Variants in TSEN2 observed in about 807,000 individuals in gnomAD.
The protein encoded by TSEN2 is tRNA splicing endonuclease subunit 2, also known as tRNA-splicing endonuclease subunit Sen2.
TSEN2 carries 54 observed loss-of-function variants against 59.2 expected under a neutral mutation model. That is an observed-to-expected ratio of 0.91 (90% CI 0.73 to 1.14). TSEN2 has a LOEUF of 1.14. TSEN2 is among the 50% of genes most tolerant of loss of function. TSEN2 has a pLI of 0.00. For synonymous variants in TSEN2, 195 were observed against 198.2 expected, an observed-to-expected ratio of 0.98 and a Z score of 0.14; for missense variants, 636 against 576.2, an observed-to-expected ratio of 1.10 and a Z score of -1.06.
intron 1 of TSEN2, among the ~76,000 whole-genome samples, chr3:12,489,467 T>C (rs1387090509): frequency 2.6e-5 from 4 of 152,166 alleles, no homozygotes; most frequent in African/African-American, 4.8e-5. Context: ...AGAAATCCTG[T>C]TGTGCTTGCT....
At chr3:12,522,810 T>C (rs1454007836) in intron 8 of TSEN2, among the ~76,000 whole-genome samples, 1 of 152,200 alleles carries the variant, frequency 6.6e-6, no homozygotes, top group Non-Finnish European at 1.5e-5. Context: ...TCAAATCAAG[T>C]GCAGCTGCCA....
chr3:12,485,312 C>A (rs2124868936), intron 1 of TSEN2, among the ~76,000 whole-genome samples: 1 of 152,316 alleles, frequency 6.6e-6, no homozygotes, highest in Non-Finnish European at 1.5e-5. Flanking sequence ...CATTTACCAT[C>A]ACCTAAGAGG....
chr3:12,536,830 C>T (rs924860708), downstream of TSEN2, among the ~76,000 whole-genome samples: 7 of 151,918 alleles, frequency 4.6e-5, no homozygotes, highest in African/African-American at 1.2e-4. Context: ...GGTGAAACCC[C>T]GTCTCTACTA....
At chr3:12,537,966 CT>C (rs553403352), downstream of TSEN2, among the ~76,000 whole-genome samples, 61 of 152,236 alleles carry the variant, frequency 4.0e-4, 1 homozygote, top group African/African-American at 8.2e-4. Context: ...AATTGGAATT[CT>C]TTCATCTTTA....
intron 6 of TSEN2, among the ~76,000 whole-genome samples, chr3:12,509,518 G>A (rs956105268): frequency 6.6e-6 from 1 of 152,058 alleles, no homozygotes; most frequent in Non-Finnish European, 1.5e-5. Flanking sequence ...AACTTTTGAA[G>A]GTTAAGGAGC....
In TSEN2 at chr3:12,489,919, T is replaced by C; in HGVS notation, c.119T>C (p.Phe40Ser). 6.2e-7 allele frequency: 1 copy of C among 1,614,174 alleles called. No homozygotes were observed. The highest frequency in any genetic ancestry group is 8.5e-7 in the Non-Finnish European group (1 of 1,180,032). Residue 40 changes from phenylalanine to serine, a missense_variant, in exon 2 of 12, where the codon TTC becomes TCC. Physicochemically the swap from Phe to Ser is radical, Grantham distance 155 (BLOSUM62 -2). Coordinates refer to ENST00000284995, the MANE Select transcript of TSEN2 (RefSeq NM_025265.4). ...GGTCCTCTGAAAGAATTCAAGATAT[T>C]CCGTGCTGAAATGATTAACAACAAT... Reference protein sequence around the residue: ...DHGPLKEFKIFRAEMINNNVI... With the variant: ...DHGPLKEFKISRAEMINNNVI...
chr3:12,519,775 A>G (rs1235770481), intron 8 of TSEN2, among the ~76,000 whole-genome samples: 2 of 152,078 alleles, frequency 1.3e-5, no homozygotes, highest in Admixed American at 6.6e-5. Flanking sequence ...AGCATTCTAT[A>G]GCACCCACCC....
At chr3:12,514,784 G>A (rs2055880082) in intron 6 of TSEN2, 1 of 152,164 alleles carries the variant, frequency 6.6e-6, no homozygotes, top group Non-Finnish European at 1.5e-5. Flanking sequence ...GATGACACAA[G>A]TTTGTGAAGC....
intron 7 of TSEN2, among the ~76,000 whole-genome samples, chr3:12,518,186 A>G (rs2056317574): frequency 6.6e-6 from 1 of 152,240 alleles, no homozygotes; most frequent in Admixed American, 6.5e-5. Context: ...TAAAAACAAA[A>G]TTGTCTTTTA....
At chr3:12,484,453 G>T (rs1282742165), upstream of TSEN2, 1 of 152,284 alleles carries the variant, frequency 6.6e-6, no homozygotes, top group Non-Finnish European at 1.5e-5. Flanking sequence ...ACTGCTTGAC[G>T]GCAGCGGTGT....
chr3:12,519,015 T>C (rs758945455), intron 7 of TSEN2, 44 bp from the exon 8 acceptor site: 4 of 1,605,428 alleles, frequency 2.5e-6, no homozygotes, highest in Non-Finnish European at 3.4e-6. Flanking sequence ...GGAGAGTGAA[T>C]GCATACATAG....
rs68107346 is a variant in TSEN2 at position 12,516,446 on chromosome 3, A to ATGTGTGTGTG, written c.910-132_910-123dup. On this transcript the variant is annotated intron_variant, in intron 6 of 11. Transcript: ENST00000284995. The stretch of plus-strand genomic sequence containing the variant: ...TTTCAAAAACAAACAAACAAAATAT[A>ATGTGTGTGTG]TGTGTGTGTGTGTGTGTGTGTGTGT... Among the ~76,000 whole-genome samples, 7 of 126,556 alleles carry ATGTGTGTGTG rather than the reference A, an allele frequency of 5.5e-5. No homozygotes were observed. In the East Asian group the frequency reaches 1.2e-3, roughly 23 times the overall value. The allele number at this position is 126,556 out of a possible 152,430, so 83.0% of individuals were successfully genotyped here.
At chr3:12,510,810 C>T (rs1209088180) in intron 6 of TSEN2, among the ~76,000 whole-genome samples, 1 of 152,142 alleles carries the variant, frequency 6.6e-6, no homozygotes, top group African/African-American at 2.4e-5. Flanking sequence ...GACTTTCCTT[C>T]TATCTAAACT....
chr3:12,538,894 T>C (rs1282536806), intron 10 of TSEN2: 1 of 263,732 alleles, frequency 3.8e-6, no homozygotes, highest in Non-Finnish European at 7.4e-6. Context: ...GCCTTTTCAG[T>C]GGGCAGAGGA....
At chr3:12,492,248 A>G (rs754803761) in intron 3 of TSEN2, 31 bp downstream of exon 3, 14 of 1,560,946 alleles carry the variant, frequency 9.0e-6, no homozygotes, top group African/African-American at 1.4e-5. Context: ...AGTTCTTTTG[A>G]CAAATTAATC....
At chr3:12,516,532 AAG>A in intron 6 of TSEN2, 77 bp from the exon 7 acceptor site, 1 of 1,370,032 alleles carries the variant, frequency 7.3e-7, no homozygotes, top group Non-Finnish European at 1.0e-6. Context: ...TTGAGGTGAA[AAG>A]AGATCAGTCT....
upstream of TSEN2, among the ~76,000 whole-genome samples, chr3:12,481,970 T>G (rs2052199139): frequency 6.6e-6 from 1 of 151,848 alleles, no homozygotes; most frequent in South Asian, 2.1e-4. Flanking sequence ...GTAATAAAAT[T>G]AAGTCCTTAT....
chr3:12,531,717 C>T, intron 11 of TSEN2, 58 bp downstream of exon 11: 1 of 1,171,094 alleles, frequency 8.5e-7, no homozygotes, highest in South Asian at 1.2e-5. Context: ...CATAGTGTAT[C>T]TGGAACATGT....
At chr3:12,492,367 C>T in intron 3 of TSEN2, 150 bp downstream of exon 3, 1 of 673,730 alleles carries the variant, frequency 1.5e-6, no homozygotes, top group Non-Finnish European at 2.6e-6. Flanking sequence ...TAATTCTAAT[C>T]AAAGCAAAAG....
Sources: gnomAD v4.1 joint callset for allele counts (sites outside exome capture counted in the v4.1 genomes callset) on GRCh38, gnomAD v4.1.1 for gene constraint, MANE v1.5 for transcripts, NCBI Gene and HGNC (gene_info 2026-07-23, HGNC 2026-07-21) for gene names.